The following IMMP2L variants were observed in gnomAD, a reference collection of about 807,000 sequenced individuals.
IMMP2L encodes inner mitochondrial membrane peptidase subunit 2.
A neutral mutation model predicts 19.3 loss-of-function variants in IMMP2L; 18 were observed. That is an observed-to-expected ratio of 0.93 (90% CI 0.64 to 1.38). The LOEUF is 1.38. IMMP2L is among the 40% of genes most tolerant of loss of function. IMMP2L has a pLI of 0.00. For synonymous variants in IMMP2L, 76 were observed against 73.0 expected, an observed-to-expected ratio of 1.04 and a Z score of -0.21; for missense variants, 233 against 218.2, an observed-to-expected ratio of 1.07 and a Z score of -0.43.
At chr7:110,992,057 G>A (rs1261747203) in intron 3 of IMMP2L, among the ~76,000 whole-genome samples, 3 of 151,864 alleles carry the variant, frequency 2.0e-5, no homozygotes, top group South Asian at 2.1e-4. Flanking sequence ...AACCTTGACC[G>A]TATTTCATGT....
intron 3 of IMMP2L, among the ~76,000 whole-genome samples, chr7:111,031,381 G>GGTGT (rs1554496351): frequency 0.54 from 39,024 of 72,472 alleles, 6,011 homozygotes; most frequent in East Asian, 0.67. Flanking sequence ...GGGGTGTAGG[G>GGTGT]GTGTGTGTGT....
intron 3 of IMMP2L, among the ~76,000 whole-genome samples, chr7:111,459,528 T>G (rs974900090): frequency 1.3e-5 from 2 of 152,132 alleles, no homozygotes; most frequent in Non-Finnish European, 2.9e-5. Flanking sequence ...TATATCTTTA[T>G]TATATCATTA....
intron 5 of IMMP2L, among the ~76,000 whole-genome samples, chr7:110,777,517 G>A (rs755102427): frequency 9.2e-5 from 14 of 151,904 alleles, no homozygotes; most frequent in Non-Finnish European, 2.1e-4. Flanking sequence ...TCTTTAGCCC[G>A]TTAATTTAAT....
chr7:111,503,897 T>C (rs1474745393), intron 2 of IMMP2L, among the ~76,000 whole-genome samples: 1 of 152,126 alleles, frequency 6.6e-6, no homozygotes, highest in Non-Finnish European at 1.5e-5. Flanking sequence ...AGCATTCCCT[T>C]TGAAAACTGG....
chr7:110,854,914 G>A (rs1172662499), intron 5 of IMMP2L, among the ~76,000 whole-genome samples: 1 of 151,902 alleles, frequency 6.6e-6, no homozygotes, highest in Non-Finnish European at 1.5e-5. Flanking sequence ...ATTTGCTGTT[G>A]AATAAAGAGA....
At chr7:110,865,847 A>G (rs934152332) in intron 5 of IMMP2L, among the ~76,000 whole-genome samples, 2 of 151,122 alleles carry the variant, frequency 1.3e-5, no homozygotes, top group Non-Finnish European at 2.9e-5. Context: ...TCTCCAAACT[A>G]ATTTTTTTTT....
At chr7:111,017,479 C>T (rs1369245876) in intron 3 of IMMP2L, among the ~76,000 whole-genome samples, 1 of 152,088 alleles carries the variant, frequency 6.6e-6, no homozygotes, top group African/African-American at 2.4e-5. Flanking sequence ...TACTGTACCA[C>T]AATCTTGTGC....
chr7:111,223,195 ATAAT>A, intron 3 of IMMP2L, among the ~76,000 whole-genome samples: 1 of 152,166 alleles, frequency 6.6e-6, no homozygotes, highest in East Asian at 1.9e-4. Flanking sequence ...ATTCAGAATG[ATAAT>A]TAACTCTTGG....
intron 3 of IMMP2L, among the ~76,000 whole-genome samples, chr7:111,380,517 C>T (rs1018908610): frequency 1.3e-5 from 2 of 151,930 alleles, no homozygotes; most frequent in East Asian, 3.9e-4. Flanking sequence ...AATTTAACTT[C>T]TTGAATTAAC....
chr7:110,745,505 C>G (rs376915502), intron 5 of IMMP2L, among the ~76,000 whole-genome samples: 9 of 152,040 alleles, frequency 5.9e-5, no homozygotes, highest in African/African-American at 1.7e-4. Flanking sequence ...CAGAGAGAAA[C>G]GTCAGGTTAC....
chr7:110,761,348 T>C (rs146508663), intron 5 of IMMP2L, among the ~76,000 whole-genome samples: 11 of 152,270 alleles, frequency 7.2e-5, no homozygotes, highest in African/African-American at 2.6e-4. Flanking sequence ...TGATCAATGA[T>C]GTCCTTTCCA....
chr7:111,396,491 G>A (rs1832877530), intron 3 of IMMP2L, among the ~76,000 whole-genome samples: 1 of 151,826 alleles, frequency 6.6e-6, no homozygotes, highest in African/African-American at 2.4e-5. Context: ...CACACACCAG[G>A]GCCTGTGGAG....
In IMMP2L at chr7:111,123,613, A is replaced by G. The variant is rs1302960445; in HGVS notation, c.240-160048T>C. 6.2e-7 allele frequency: 1 copy of G among 1,613,472 alleles called. No individual in the cohort carries two copies. Among genetic ancestry groups the G allele is most frequent in the Admixed American group, 1.7e-5 (1 of 59,902 alleles). On this transcript the variant is annotated intron_variant, in intron 3 of 5. Coordinates refer to ENST00000405709, the MANE Select transcript of IMMP2L (RefSeq NM_032549.4). The surrounding 1 kb of genome is among the most constrained non-coding windows in gnomAD (Gnocchi z 6.4). ...TAATAGAATACGAAGGGGTGATTTTAGCAATATGCTACACTTAAAAGAGTT... is the reference window on the plus strand; with the variant it reads ...TAATAGAATACGAAGGGGTGATTTTGGCAATATGCTACACTTAAAAGAGTT...
intron 3 of IMMP2L, among the ~76,000 whole-genome samples, chr7:111,117,383 T>A (rs532970096): frequency 2.0e-5 from 3 of 152,038 alleles, no homozygotes; most frequent in Admixed American, 2.0e-4. Flanking sequence ...AGGTATCCTG[T>A]CCCCAGTTAC....
At chr7:111,130,006 C>T (rs900320102) in intron 3 of IMMP2L, among the ~76,000 whole-genome samples, 2 of 152,084 alleles carry the variant, frequency 1.3e-5, no homozygotes, top group African/African-American at 4.8e-5. Flanking sequence ...GAGTAGTATG[C>T]ATTTAGTATT....
chr7:110,796,832 T>C (rs1800896799), intron 5 of IMMP2L, among the ~76,000 whole-genome samples: 1 of 152,058 alleles, frequency 6.6e-6, no homozygotes, highest in African/African-American at 2.4e-5. Context: ...TACAAGGTGT[T>C]AGCCGAACAC....
At chr7:110,795,167 C>T (rs1307697371) in intron 5 of IMMP2L, among the ~76,000 whole-genome samples, 1 of 152,012 alleles carries the variant, frequency 6.6e-6, no homozygotes, top group African/African-American at 2.4e-5. Flanking sequence ...ATGATGGAGC[C>T]CCAAATGAAA....
At chr7:110,790,609 G>C (rs1800398079) in intron 5 of IMMP2L, among the ~76,000 whole-genome samples, 1 of 151,668 alleles carries the variant, frequency 6.6e-6, no homozygotes. Flanking sequence ...AAGACAATGA[G>C]AGTAATCAAG....
intron 3 of IMMP2L, among the ~76,000 whole-genome samples, chr7:111,061,184 G>A (rs1324297400): frequency 1.3e-5 from 2 of 152,168 alleles, no homozygotes; most frequent in African/African-American, 4.8e-5. Flanking sequence ...TTTCAGTGGT[G>A]TACATGGCAT....
Sources: allele counts gnomAD v4.1 joint callset (sites outside exome capture counted in the v4.1 genomes callset), GRCh38; gene constraint gnomAD v4.1.1; non-coding constraint Gnocchi (gnomAD v3.1); transcripts MANE v1.5; gene names NCBI Gene and HGNC (gene_info 2026-07-23, HGNC 2026-07-21).